Variants in AVEN observed in about 807,000 individuals in gnomAD.
The protein encoded by AVEN is apoptosis and caspase activation inhibitor.
A neutral mutation model predicts 38.1 loss-of-function variants in AVEN; 41 were observed. That is an observed-to-expected ratio of 1.08 (90% CI 0.84 to 1.40). AVEN has a LOEUF of 1.40. Among genes scored for constraint, AVEN ranks in the 40% most tolerant of loss-of-function variants. The probability of loss-of-function intolerance (pLI) is 0.00; values close to 1 mark genes in which losing one functional copy is unlikely to be tolerated. For synonymous variants in AVEN, 206 were observed against 171.8 expected, an observed-to-expected ratio of 1.20 and a Z score of -1.56; for missense variants, 605 against 438.8, an observed-to-expected ratio of 1.38 and a Z score of -3.38.
intron 2 of AVEN, among the ~76,000 whole-genome samples, chr15:33,981,107 C>G (rs672065): frequency 0.76 from 115,392 of 151,992 alleles, 48,736 homozygotes; most frequent in Non-Finnish European, 0.95. Context: ...GGACAGCAAC[C>G]CCTCTTAATT....
At chr15:34,068,873 G>A (rs1003476185) in intron 2 of AVEN, among the ~76,000 whole-genome samples, 18 of 149,638 alleles carry the variant, frequency 1.2e-4, no homozygotes, top group African/African-American at 4.0e-4. Context: ...GTGCAGTGGC[G>A]CAATCTCGGC....
chr15:33,992,263 A>G (rs1421399243), intron 2 of AVEN, among the ~76,000 whole-genome samples: 3 of 152,036 alleles, frequency 2.0e-5, no homozygotes, highest in Admixed American at 6.6e-5. Context: ...GGTGGCGGGC[A>G]CCTGTAGTCC....
chr15:33,951,313 T>C (rs1373767664), intron 2 of AVEN, among the ~76,000 whole-genome samples: 2 of 152,174 alleles, frequency 1.3e-5, no homozygotes, highest in Admixed American at 6.5e-5. Context: ...AATTAATAGT[T>C]TGACCATGTC....
chr15:34,027,502 C>T (rs2140744307), intron 1 of AVEN, among the ~76,000 whole-genome samples: 1 of 145,178 alleles, frequency 6.9e-6, no homozygotes, highest in African/African-American at 2.5e-5. Flanking sequence ...GCACTCCAGC[C>T]TGGATGACAA....
intron 1 of AVEN, among the ~76,000 whole-genome samples, chr15:34,008,929 AACAC>A (rs1186485634): frequency 7.4e-6 from 1 of 135,210 alleles, no homozygotes; most frequent in Non-Finnish European, 1.6e-5. Context: ...ATAAAATTAA[AACAC>A]ACACTCACAC....
At chr15:34,039,718 A>G (rs886773837), upstream of AVEN, among the ~76,000 whole-genome samples, 3 of 152,218 alleles carry the variant, frequency 2.0e-5, no homozygotes, top group Non-Finnish European at 4.4e-5. Context: ...TTCTGTAGAA[A>G]TGACTACTAC....
chr15:33,864,944 A>G (rs1370485998), downstream of AVEN: 2 of 542,692 alleles, frequency 3.7e-6, no homozygotes, highest in African/African-American at 3.8e-5. Flanking sequence ...AGCATGTGTC[A>G]GAGAGACATG....
At chr15:33,853,210 AG>A in the AVEN span, 2 of 972,778 alleles carry the variant, frequency 2.1e-6, no homozygotes, top group Non-Finnish European at 3.0e-6. Context: ...TCTCAAGAAG[AG>A]TAAGTCACAG....
rs376203253 is a variant in AVEN at position 33,959,491 on chromosome 15, G to A, written c.445+43541C>T. 2.0e-5 allele frequency among the ~76,000 whole-genome samples: 3 copies of A among 152,182 alleles called. No individual in the cohort carries two copies. In the East Asian group the frequency reaches 5.8e-4, roughly 29 times the overall value. On this transcript the variant is annotated intron_variant, in intron 2 of 5. Transcript: ENST00000306730. The stretch of plus-strand genomic sequence containing the variant: ...CTCTCTCACTACTCCCTACACTTCA[G>A]TCATAGCCATAGCCCTCCGAGCACC...
rs568767872 is a variant in AVEN at position 33,944,053 on chromosome 15, T to C, written c.445+58979A>G. 1.2e-4 allele frequency among the ~76,000 whole-genome samples: 18 copies of C among 152,140 alleles called. No homozygotes were observed. In the South Asian group the frequency reaches 3.7e-3, roughly 32 times the overall value. The stretch of plus-strand genomic sequence containing the variant: ...CTGGCCTAGTCACAATTTTTAAAAA[T>C]GTTTTTGATTAATTCATTTGTCTCA... On this transcript the variant is annotated intron_variant, in intron 2 of 5. Transcript: ENST00000306730.
At chr15:33,872,088 G>T (rs958690335) in intron 3 of AVEN, among the ~76,000 whole-genome samples, 8 of 152,184 alleles carry the variant, frequency 5.3e-5, no homozygotes, top group African/African-American at 1.9e-4. Context: ...GCTGCAGACA[G>T]GAGCAGACAA....
At chr15:33,918,045 T>C (rs1246643691) in intron 2 of AVEN, among the ~76,000 whole-genome samples, 1 of 152,132 alleles carries the variant, frequency 6.6e-6, no homozygotes, top group African/African-American at 2.4e-5. Flanking sequence ...AATAATATTT[T>C]GGATATATCC....
chr15:34,072,274 AAAT>A (rs1555521931), intron 1 of AVEN, among the ~76,000 whole-genome samples: 1 of 151,656 alleles, frequency 6.6e-6, no homozygotes, highest in Non-Finnish European at 1.5e-5. Context: ...GTCTTTAAAA[AAAT>A]AATAATAATA....
At chr15:33,908,828 G>A (rs1251377116) in intron 2 of AVEN, among the ~76,000 whole-genome samples, 1 of 152,092 alleles carries the variant, frequency 6.6e-6, no homozygotes, top group Non-Finnish European at 1.5e-5. Flanking sequence ...CTACAAGAGG[G>A]CTGGGGCTTG....
At chr15:33,924,752 A>G (rs1893548895) in intron 2 of AVEN, among the ~76,000 whole-genome samples, 1 of 152,246 alleles carries the variant, frequency 6.6e-6, no homozygotes, top group African/African-American at 2.4e-5. Context: ...GTAAGCTTTC[A>G]GAGTACCTTC....
rs190494624 is a variant in AVEN at position 33,930,425 on chromosome 15, G to C, written c.446-54430C>G. Among the ~76,000 whole-genome samples, 905 of 152,000 alleles carry C rather than the reference G, an allele frequency of 6.0e-3. 7 individuals carry two copies. Among genetic ancestry groups the C allele is most frequent in the Non-Finnish European group, 8.0e-3 (545 of 67,982 alleles). On this transcript the variant is annotated intron_variant, in intron 2 of 5. Transcript: ENST00000306730. ...TTCAGTTTAAGCCAAGTAAACATCA[G>C]GTCCTAGACATAAAGAAACATGATA...
chr15:33,864,067 TCA>T (rs1889521019), downstream of AVEN: 3 of 1,161,282 alleles, frequency 2.6e-6, no homozygotes, highest in Non-Finnish European at 3.8e-6. Context: ...TGAGCCCTGA[TCA>T]CAGTTAATCC....
intron 2 of AVEN, among the ~76,000 whole-genome samples, chr15:33,913,880 G>A (rs58783870): frequency 0.066 from 10,027 of 152,130 alleles, 507 homozygotes; most frequent in African/African-American, 0.14. Flanking sequence ...ATAACCAGGC[G>A]GAAACTCAGA....
chr15:33,892,736 GTT>G (rs35922662), intron 2 of AVEN, among the ~76,000 whole-genome samples: 7 of 150,536 alleles, frequency 4.7e-5, no homozygotes, highest in African/African-American at 1.2e-4. Context: ...CTTTAAAGTA[GTT>G]TTTTTTTTTA....
Sources: allele counts gnomAD v4.1 joint callset (sites outside exome capture counted in the v4.1 genomes callset), GRCh38; gene constraint gnomAD v4.1.1; transcripts MANE v1.5; gene names NCBI Gene and HGNC (gene_info 2026-07-23, HGNC 2026-07-21).